SETD2: variants seen among roughly 807,000 people sequenced by gnomAD.
The protein encoded by SETD2 is histone-lysine N-methyltransferase SETD2.
Under a neutral mutation model 242.1 loss-of-function variants are expected in SETD2, and 31 were observed. That is an observed-to-expected ratio of 0.13 (90% CI 0.10 to 0.17). The LOEUF (loss-of-function observed/expected upper bound fraction) is 0.17, where lower values mean the gene tolerates loss of function less well. SETD2 is among the 10% of genes least tolerant of loss of function. The probability of loss-of-function intolerance (pLI) is 1.00; values close to 1 mark genes in which losing one functional copy is unlikely to be tolerated. For synonymous variants in SETD2, 1,006 were observed against 1,066.5 expected (o/e 0.94, Z 1.11); for missense variants, 2,481 against 3,046.3 (o/e 0.81, Z 4.37).
At chr3:47,092,180 C>G (rs1281255815) in intron 9 of SETD2, among the ~76,000 whole-genome samples, 2 of 151,944 alleles carry the variant, frequency 1.3e-5, no homozygotes, top group Admixed American at 6.6e-5. Context: ...GATGAATAAC[C>G]CTTGAACATT....
intron 12 of SETD2, among the ~76,000 whole-genome samples, chr3:47,076,429 C>T (rs757791518): frequency 1.1e-4 from 17 of 152,052 alleles, no homozygotes; most frequent in Non-Finnish European, 2.4e-4. Context: ...TTTATATTTC[C>T]GAAAGATTGC....
intron 9 of SETD2, among the ~76,000 whole-genome samples, chr3:47,096,311 C>T (rs2042003688): frequency 6.6e-6 from 1 of 152,144 alleles, no homozygotes; most frequent in South Asian, 2.1e-4. Flanking sequence ...AAGGAAAGAT[C>T]ATTACCTAAT....
At chr3:47,038,476 G>A (rs761632967) in intron 17 of SETD2, among the ~76,000 whole-genome samples, 12 of 152,024 alleles carry the variant, frequency 7.9e-5, no homozygotes, top group African/African-American at 1.9e-4. Flanking sequence ...TTTGCCAGTC[G>A]TGGTGGCGGG....
rs867366127 is a variant in SETD2 at position 47,149,402 on chromosome 3, A to C, written c.71+14452T>G. On this transcript the variant is annotated intron_variant, in intron 1 of 20. Transcript: ENST00000409792. ...AGCAAGCTAAAGGGGAAAAAAAAAA[A>C]GTTGGGAGCCACAGAAATGAGGAAT... is the stretch of plus-strand genomic sequence containing the variant. Among the ~76,000 whole-genome samples, 202 of 152,066 alleles carry C rather than the reference A, an allele frequency of 1.3e-3. 1 individual carries two copies. Among genetic ancestry groups the C allele is most frequent in the African/African-American group, 4.6e-3 (189 of 41,488 alleles).
At chr3:47,138,094 CCCGAGTAGCTGGGACTA>C (rs2043634331) in intron 1 of SETD2, among the ~76,000 whole-genome samples, 1 of 151,718 alleles carries the variant, frequency 6.6e-6, no homozygotes, top group Admixed American at 6.6e-5. Context: ...GCCTCAGCCT[CCCGAGTAGCTGGGACTA>C]CAGGCGCCCG....
At chr3:47,104,702 G>C (rs1328829626) in intron 6 of SETD2, among the ~76,000 whole-genome samples, 1 of 152,238 alleles carries the variant, frequency 6.6e-6, no homozygotes, top group Non-Finnish European at 1.5e-5. Flanking sequence ...TTTTACCATA[G>C]GCTAACTGAT....
chr3:47,127,993 TCACA>T (rs34240660), intron 1 of SETD2, among the ~76,000 whole-genome samples: 11 of 150,512 alleles, frequency 7.3e-5, no homozygotes, highest in East Asian at 5.8e-4. Flanking sequence ...TCTCTCTCTC[TCACA>T]CACACACACA....
At chr3:47,067,347 C>T (rs1228344368) in intron 12 of SETD2, among the ~76,000 whole-genome samples, 3 of 150,040 alleles carry the variant, frequency 2.0e-5, no homozygotes, top group African/African-American at 7.4e-5. Flanking sequence ...CAAGCTTGTA[C>T]GATCTCACTA....
chr3:47,099,045 A>G (rs2042109804), intron 8 of SETD2, among the ~76,000 whole-genome samples: 2 of 152,154 alleles, frequency 1.3e-5, no homozygotes, highest in Non-Finnish European at 2.9e-5. Context: ...AGCAGACAGA[A>G]TCGGAAACAA....
intron 12 of SETD2, among the ~76,000 whole-genome samples, chr3:47,069,586 C>A (rs2040726462): frequency 6.6e-6 from 1 of 152,182 alleles, no homozygotes. Context: ...ACCCACCCCT[C>A]CCCACAAGAG....
chr3:47,062,289 G>A lies in SETD2; in HGVS notation c.6167C>T (p.Thr2056Ile), dbSNP rs2040367777. Reference sequence around the variant, plus strand: ...GTCTCTCTCTCTTGACCTATTAGGAGTCTTCGGGGCAGGTGTTTGATCTCT... The same window carrying A: ...GTCTCTCTCTCTTGACCTATTAGGAATCTTCGGGGCAGGTGTTTGATCTCT... ...GFRDQTPAPK[T>I]PNRSRERDPD... The change falls in exon 14 of 21, where the codon ACT (threonine) becomes ATT (isoleucine). Residue 2056 changes from threonine (T) to isoleucine (I), a missense_variant. Physicochemically the swap from Thr to Ile is moderately conservative, Grantham distance 89. This residue lies in a region of SETD2 where 80 missense variants were observed against 102.6 expected (regional missense o/e 0.78). Coordinates refer to ENST00000409792, the MANE Select transcript of SETD2 (RefSeq NM_014159.7). 1 of 1,613,688 alleles carries A rather than the reference G, an allele frequency of 6.2e-7. No homozygotes were observed. Among genetic ancestry groups the A allele is most frequent in the Non-Finnish European group, 8.5e-7 (1 of 1,179,940 alleles).
chr3:47,139,377 C>T (rs2043670897), intron 1 of SETD2, among the ~76,000 whole-genome samples: 1 of 152,174 alleles, frequency 6.6e-6, no homozygotes. Context: ...TCAACTCCTA[C>T]AGCATATACT....
chr3:47,155,012 A>G (rs1472075335), intron 1 of SETD2, among the ~76,000 whole-genome samples: 1 of 152,024 alleles, frequency 6.6e-6, no homozygotes, highest in Non-Finnish European at 1.5e-5. Flanking sequence ...AAAAATCTTA[A>G]ACATACTATC....
At chr3:47,079,406 A>G (rs1294026223) in intron 12 of SETD2, among the ~76,000 whole-genome samples, 1 of 152,174 alleles carries the variant, frequency 6.6e-6, no homozygotes, top group Non-Finnish European at 1.5e-5. Flanking sequence ...TGTACAACCA[A>G]ATCACTTCCT....
At chr3:47,079,036 G>A (rs950193704) in intron 12 of SETD2, among the ~76,000 whole-genome samples, 2 of 151,988 alleles carry the variant, frequency 1.3e-5, no homozygotes, top group Non-Finnish European at 2.9e-5. Context: ...AAAAAATAAG[G>A]TAAAATGTTA....
At chr3:47,038,117 G>A (rs1015155765) in intron 17 of SETD2, among the ~76,000 whole-genome samples, 1 of 152,146 alleles carries the variant, frequency 6.6e-6, no homozygotes, top group African/African-American at 2.4e-5. Context: ...CAGGAAATAG[G>A]TCCCTGCCTA....
intron 1 of SETD2, among the ~76,000 whole-genome samples, chr3:47,156,547 A>C (rs1363684509): frequency 6.6e-6 from 1 of 152,186 alleles, no homozygotes; most frequent in Non-Finnish European, 1.5e-5. Flanking sequence ...AGGGACATGA[A>C]TATTAAAGAG....
intron 1 of SETD2, among the ~76,000 whole-genome samples, chr3:47,131,674 T>C (rs760132247): frequency 6.6e-5 from 10 of 151,662 alleles, no homozygotes; most frequent in Admixed American, 1.3e-4. Flanking sequence ...AAGTACTATA[T>C]GTAGCTGCGG....
intron 12 of SETD2, among the ~76,000 whole-genome samples, chr3:47,078,502 C>A (rs575012644): frequency 5.1e-4 from 76 of 147,772 alleles, no homozygotes; most frequent in Non-Finnish European, 9.7e-4. Flanking sequence ...TGTGTGCTCC[C>A]ATATTAGATT....
Sources: allele counts gnomAD v4.1 joint callset (sites outside exome capture counted in the v4.1 genomes callset), GRCh38; gene constraint gnomAD v4.1.1; regional missense constraint gnomAD v4.1.1; transcripts MANE v1.5; gene names NCBI Gene and HGNC (gene_info 2026-07-23, HGNC 2026-07-21).